The following ADK variants were observed in gnomAD, a reference collection of about 807,000 sequenced individuals.
ADK encodes the protein N6,N6-dimethyladenosine kinase.
ADK carries 24 observed loss-of-function variants against 44.7 expected under a neutral mutation model. That is an observed-to-expected ratio of 0.54 (90% CI 0.39 to 0.76). ADK has a LOEUF of 0.76. ADK is among the 30% of genes least tolerant of loss of function. The probability of loss-of-function intolerance (pLI) is 0.00; values close to 1 mark genes in which losing one functional copy is unlikely to be tolerated. For synonymous variants in ADK, 128 were observed against 142.6 expected, an observed-to-expected ratio of 0.90 and a Z score of 0.73; for missense variants, 321 against 425.1, an observed-to-expected ratio of 0.76 and a Z score of 2.15.
intron 9 of ADK, among the ~76,000 whole-genome samples, chr10:74,624,329 T>C (rs77081720): frequency 6.6e-6 from 1 of 152,038 alleles, no homozygotes; most frequent in Non-Finnish European, 1.5e-5. Context: ...AGCTTTTCTC[T>C]GCTGTTGTTA....
At chr10:74,288,485 AC>A (rs1177372164) in intron 3 of ADK, among the ~76,000 whole-genome samples, 1 of 152,090 alleles carries the variant, frequency 6.6e-6, no homozygotes, top group Non-Finnish European at 1.5e-5. Context: ...CCCCATCTCT[AC>A]CAAAAATACA....
At chr10:74,224,645 T>A in intron 3 of ADK, 54 bp downstream of exon 3, 1 of 1,355,842 alleles carries the variant, frequency 7.4e-7, no homozygotes, top group Non-Finnish European at 1.1e-6. Context: ...ATGAACTTGA[T>A]ATATGTATAT....
chr10:74,612,912 ACTTTGT>A lies in ADK; in HGVS notation c.877+12420_877+12425del, dbSNP rs1449797429. Among the ~76,000 whole-genome samples, 3 of 151,762 alleles carry A rather than the reference ACTTTGT, an allele frequency of 2.0e-5. No individual in the cohort carries two copies. The East Asian group carries it at 5.8e-4, about 29-fold the overall frequency. On this transcript the variant is annotated intron_variant, in intron 9 of 10. Coordinates refer to ENST00000539909, the MANE Select transcript of ADK (RefSeq NM_006721.4). Reference sequence around the variant, plus strand: ...CTTTCATCACTATTTATTTTTGTTGACTTTGTTTAAGATCAGTTGGTTGTAGGTTTG... The same window carrying A: ...CTTTCATCACTATTTATTTTTGTTGATTAAGATCAGTTGGTTGTAGGTTTG...
chr10:74,669,594 T>C (rs1368893805), intron 9 of ADK, among the ~76,000 whole-genome samples: 2 of 152,222 alleles, frequency 1.3e-5, no homozygotes, highest in African/African-American at 4.8e-5. Context: ...GTGACTTCTT[T>C]GCAAAACATA....
chr10:74,668,173 G>C (rs1855035169), intron 9 of ADK, among the ~76,000 whole-genome samples: 1 of 152,180 alleles, frequency 6.6e-6, no homozygotes, highest in South Asian at 2.1e-4. Context: ...TTATTTCCCT[G>C]TATAGTGTAG....
intron 6 of ADK, among the ~76,000 whole-genome samples, chr10:74,446,606 A>T (rs1237711759): frequency 6.6e-6 from 1 of 152,098 alleles, no homozygotes; most frequent in African/African-American, 2.4e-5. Context: ...GAATAGTGAG[A>T]AGGTGGATAA....
chr10:74,288,614 C>T (rs1284053506), intron 3 of ADK, among the ~76,000 whole-genome samples: 1 of 152,172 alleles, frequency 6.6e-6, no homozygotes, highest in African/African-American at 2.4e-5. Flanking sequence ...CACACCACTG[C>T]ACTCCAGCCT....
intron 3 of ADK, among the ~76,000 whole-genome samples, chr10:74,298,749 A>C (rs1027478832): frequency 7.8e-6 from 1 of 127,892 alleles, no homozygotes; most frequent in Non-Finnish European, 1.8e-5. Context: ...CTACCAAAAA[A>C]ACCCCCCAAA....
intron 10 of ADK, among the ~76,000 whole-genome samples, chr10:74,697,443 G>C (rs756819675): frequency 7.9e-5 from 12 of 151,516 alleles, no homozygotes; most frequent in Non-Finnish European, 1.6e-4. Context: ...AGGCTGAAGT[G>C]GGAGGATTGC....
chr10:74,589,299 T>C lies in ADK; in HGVS notation c.744T>C (p.Ala248=). Residue 248 remains alanine, a synonymous_variant, in exon 8 of 11, where the codon GCT becomes GCC. Transcript: ENST00000539909. Reference sequence around the variant, plus strand: ...TATTTCAGGAAGCTGCCACTTTTGCTAGAGAGCAAGGCTTTGAGGTGAGTT... The same window carrying C: ...TATTTCAGGAAGCTGCCACTTTTGCCAGAGAGCAAGGCTTTGAGGTGAGTT... ...FGNETEAATF[A]REQGFETKDI... is the part of the protein sequence containing the mutation. The C allele has an allele frequency of 6.2e-7, 1 of 1,613,772 alleles. No homozygotes were observed. The highest frequency in any genetic ancestry group is 8.5e-7 in the Non-Finnish European group (1 of 1,179,832).
At chr10:74,675,200 G>A (rs1855343079) in intron 10 of ADK, among the ~76,000 whole-genome samples, 1 of 151,918 alleles carries the variant, frequency 6.6e-6, no homozygotes, top group Admixed American at 6.6e-5. Context: ...TTCAAGTTTT[G>A]GATAAAGTAT....
At chr10:74,595,638 A>C (rs956634422) in intron 8 of ADK, among the ~76,000 whole-genome samples, 3 of 150,990 alleles carry the variant, frequency 2.0e-5, no homozygotes, top group African/African-American at 7.3e-5. Flanking sequence ...CGTCTCCCAA[A>C]GTGGTGGGAT....
chr10:74,384,547 G>A (rs1202883180), intron 4 of ADK, among the ~76,000 whole-genome samples: 1 of 152,134 alleles, frequency 6.6e-6, no homozygotes, highest in Non-Finnish European at 1.5e-5. Flanking sequence ...GCGTGCACCT[G>A]TAATCCCAGC....
intron 6 of ADK, among the ~76,000 whole-genome samples, chr10:74,475,321 G>C (rs559698095): frequency 6.6e-6 from 1 of 152,226 alleles, no homozygotes; most frequent in Admixed American, 6.5e-5. Context: ...TGACAGACCT[G>C]TCATCTTTTT....
At chr10:74,328,797 T>G (rs573592877) in intron 4 of ADK, among the ~76,000 whole-genome samples, 1 of 152,264 alleles carries the variant, frequency 6.6e-6, no homozygotes, top group South Asian at 2.1e-4. Context: ...TAAACCTCTT[T>G]TCTTTATAAA....
intron 6 of ADK, among the ~76,000 whole-genome samples, chr10:74,492,569 G>A (rs1847527179): frequency 6.6e-6 from 1 of 152,188 alleles, no homozygotes; most frequent in Admixed American, 6.5e-5. Context: ...AAATAACAGA[G>A]GACTTAGCTA....
At chr10:74,368,008 A>C (rs1842545845) in intron 4 of ADK, among the ~76,000 whole-genome samples, 1 of 152,216 alleles carries the variant, frequency 6.6e-6, no homozygotes, top group Admixed American at 6.5e-5. Context: ...TGTAAATATA[A>C]ATTGTTAAAA....
At chr10:74,391,650 T>TACACAC (rs1491120125) in intron 4 of ADK, among the ~76,000 whole-genome samples, 7,907 of 134,286 alleles carry the variant, frequency 0.059, 247 homozygotes, top group Admixed American at 0.084. Flanking sequence ...GAGGCAAGAA[T>TACACAC]ATACACACAC....
At chr10:74,284,834 G>A (rs368779710) in intron 3 of ADK, among the ~76,000 whole-genome samples, 3 of 152,140 alleles carry the variant, frequency 2.0e-5, no homozygotes, top group South Asian at 2.1e-4. Flanking sequence ...CCTCAAATTC[G>A]TCTTTTACAA....
Sources: allele counts gnomAD v4.1 joint callset (sites outside exome capture counted in the v4.1 genomes callset), GRCh38; gene constraint gnomAD v4.1.1; transcripts MANE v1.5; gene names NCBI Gene and HGNC (gene_info 2026-07-23, HGNC 2026-07-21).